Variants in SHROOM4 observed in about 807,000 individuals in gnomAD.
The protein encoded by SHROOM4 is shroom family member 4, also known as protein Shroom4.
Under a neutral mutation model 80.3 loss-of-function variants are expected in SHROOM4, and 17 were observed. The observed-to-expected ratio is 0.21, with a 90% CI of 0.14 to 0.32. The LOEUF (loss-of-function observed/expected upper bound fraction) is 0.32. SHROOM4 is among the 10% of genes least tolerant of loss of function. SHROOM4 has a pLI of 1.00. For synonymous variants in SHROOM4, 400 were observed against 437.5 expected (o/e 0.91, Z 1.07); for missense variants, 993 against 1,140.3 (o/e 0.87, Z 1.86).
At chrX:50,709,058 C>T (rs1202859886) in intron 1 of SHROOM4, among the ~76,000 whole-genome samples, 3 of 110,709 alleles carry the variant, frequency 2.7e-5, no homozygotes, top group Non-Finnish European at 5.7e-5. Flanking sequence ...GGGTGGGGGA[C>T]GGAGGAAAGA....
chrX:50,634,558 T>C lies in SHROOM4; in HGVS notation c.1515A>G (p.Ser505=). ...PPHGEADGHP[S]EKGFLDPNRT... ...TGTTTGGGTCCAGGAAACCTTTTTCTGAGGGGTGTCCATCAGCCTCTCCAT... is the reference window on the plus strand; with the variant it reads ...TGTTTGGGTCCAGGAAACCTTTTTCCGAGGGGTGTCCATCAGCCTCTCCAT... The change falls in exon 4 of 9, where the codon TCA becomes TCG. Residue 505 remains serine (S), a synonymous_variant. Coordinates refer to ENST00000376020, the MANE Select transcript of SHROOM4 (RefSeq NM_020717.5). 8.3e-7 allele frequency: 1 copy of C among 1,211,918 alleles called. No individual in the cohort carries two copies. The highest frequency in any genetic ancestry group is 1.7e-5 in the African/African-American group (1 of 57,819).
intron 5 of SHROOM4, among the ~76,000 whole-genome samples, chrX:50,622,860 T>C (rs1444044037): frequency 1.8e-5 from 2 of 112,493 alleles, no homozygotes; most frequent in Non-Finnish European, 3.7e-5. Flanking sequence ...CTTTCCTTTC[T>C]GTTTTAAACT....
At position 50,611,217 on chromosome X, in the gene SHROOM4, T is replaced by C. The variant is rs1335592006; in HGVS notation, c.2958-3033A>G. On this transcript the variant is annotated intron_variant, in intron 5 of 8. Transcript: ENST00000376020. ...AGGCCGGACTGCAGTGGCGCTTTCT[T>C]AGCTCACTGCAAGCTCCGCCTCCCG... is the stretch of plus-strand genomic sequence containing the variant. Among the ~76,000 whole-genome samples the C allele has an allele frequency of 3.8e-5, 4 of 104,287 alleles. No homozygotes were observed. In the East Asian group the frequency reaches 1.2e-3, roughly 32 times the overall value. 90.6% of individuals were successfully genotyped at this position (104,287 alleles called of 115,157 possible).
chrX:50,610,352 T>TCTCTCACACACACACACACA (rs782591424), intron 5 of SHROOM4, among the ~76,000 whole-genome samples: 14 of 91,707 alleles, frequency 1.5e-4, no homozygotes, highest in African/African-American at 3.7e-4. Flanking sequence ...TCTCTCTCTC[T>TCTCTCACACACACACACACA]CACACACACA....
chrX:50,707,022 A>G (rs1557264024), intron 1 of SHROOM4, among the ~76,000 whole-genome samples: 1 of 112,307 alleles, frequency 8.9e-6, no homozygotes. Context: ...ATTCAAAGTA[A>G]CATCGACTCC....
chrX:50,743,106 AGTGTGTGT>A (rs56291087), intron 1 of SHROOM4, among the ~76,000 whole-genome samples: 10 of 98,232 alleles, frequency 1.0e-4, no homozygotes, highest in South Asian at 1.1e-3. Context: ...CCCATTCAGT[AGTGTGTGT>A]GTGTGTGTGT....
intron 1 of SHROOM4, among the ~76,000 whole-genome samples, chrX:50,738,414 C>A (rs141358543): frequency 1.8e-5 from 2 of 110,270 alleles, no homozygotes; most frequent in African/African-American, 6.6e-5. Flanking sequence ...TGACATGATT[C>A]TATATTTAGA....
At chrX:50,686,025 T>G (rs782235942) in intron 2 of SHROOM4, among the ~76,000 whole-genome samples, 1 of 110,865 alleles carries the variant, frequency 9.0e-6, no homozygotes, top group East Asian at 2.9e-4. Flanking sequence ...AATGAAGTTT[T>G]TTTGTTTGTT....
intron 4 of SHROOM4, among the ~76,000 whole-genome samples, chrX:50,630,772 C>A (rs1931024721): frequency 9.0e-6 from 1 of 111,576 alleles, no homozygotes; most frequent in Admixed American, 9.5e-5. Context: ...ACAACTATAT[C>A]CCCATAAATT....
chrX:50,754,468 T>C (rs1934995427), intron 1 of SHROOM4, among the ~76,000 whole-genome samples: 1 of 111,801 alleles, frequency 8.9e-6, no homozygotes, highest in Non-Finnish European at 1.9e-5. Context: ...CTCCAATCAT[T>C]TATATTCGGA....
chrX:50,808,060 G>C (rs1294428049), intron 1 of SHROOM4, among the ~76,000 whole-genome samples: 1 of 111,463 alleles, frequency 9.0e-6, no homozygotes, highest in Non-Finnish European at 1.9e-5. Context: ...GTGGGAGGAG[G>C]AAACAGGAGG....
intron 2 of SHROOM4, among the ~76,000 whole-genome samples, chrX:50,683,717 A>G (rs1932993638): frequency 9.0e-6 from 1 of 111,499 alleles, no homozygotes; most frequent in Non-Finnish European, 1.9e-5. Flanking sequence ...TTTAACATAT[A>G]GAGTTTTGGA....
intron 4 of SHROOM4, among the ~76,000 whole-genome samples, chrX:50,629,854 A>G (rs1930973335): frequency 9.0e-6 from 1 of 111,107 alleles, no homozygotes. Flanking sequence ...TCAGATAGCT[A>G]CCACCACAAG....
Position 50,725,609 on chromosome X carries a change from G to C in SHROOM4, c.118-29672C>G, listed in dbSNP as rs189893337. On this transcript the variant is annotated intron_variant, in intron 1 of 8. Transcript: ENST00000376020. Reference sequence around the variant, plus strand: ...GAGTGAGTTCTCACAAGAGCTGACAGTTTTAAAGTGGGGCACTTCCGCTCT... The same window carrying C: ...GAGTGAGTTCTCACAAGAGCTGACACTTTTAAAGTGGGGCACTTCCGCTCT... Among the ~76,000 whole-genome samples, 4 of 112,370 alleles carry C rather than the reference G, an allele frequency of 3.6e-5. No homozygotes were observed. The East Asian group carries it at 1.1e-3, about 32-fold the overall frequency.
At chrX:50,720,922 A>C (rs1934094971) in intron 1 of SHROOM4, among the ~76,000 whole-genome samples, 1 of 112,240 alleles carries the variant, frequency 8.9e-6, no homozygotes, top group Admixed American at 9.4e-5. Flanking sequence ...AGGTGATAGA[A>C]TATGAAGCGA....
At chrX:50,663,045 C>T (rs781813229) in intron 2 of SHROOM4, among the ~76,000 whole-genome samples, 15 of 111,163 alleles carry the variant, frequency 1.3e-4, no homozygotes, top group Admixed American at 2.9e-4. Flanking sequence ...AGACCACCTG[C>T]AAATATTTAT....
intron 1 of SHROOM4, among the ~76,000 whole-genome samples, chrX:50,768,031 T>C (rs1163995804): frequency 2.7e-5 from 3 of 112,293 alleles, no homozygotes; most frequent in Non-Finnish European, 3.8e-5. Flanking sequence ...AATAATGTGC[T>C]TGAATCTCAC....
intron 1 of SHROOM4, among the ~76,000 whole-genome samples, chrX:50,720,961 T>C (rs1431969376): frequency 8.9e-6 from 1 of 112,101 alleles, no homozygotes; most frequent in Admixed American, 9.5e-5. Flanking sequence ...TATAAAGGGT[T>C]TCATTTCATA....
In SHROOM4 at chrX:50,628,705, T is replaced by C. The variant is rs146061498; in HGVS notation, c.2896-1030A>G. On this transcript the variant is annotated intron_variant, in intron 4 of 8. Coordinates refer to ENST00000376020, the MANE Select transcript of SHROOM4 (RefSeq NM_020717.5). ...TGGCTAAGACACTTAATAGTGGTGTTATTTGAGGTTATTCATATTACCTCC... is the reference window on the plus strand; with the variant it reads ...TGGCTAAGACACTTAATAGTGGTGTCATTTGAGGTTATTCATATTACCTCC... Among the ~76,000 whole-genome samples, 372 of 111,832 alleles carry C rather than the reference T, an allele frequency of 3.3e-3. 3 individuals are homozygous for C. The highest frequency in any genetic ancestry group is 0.012 in the African/African-American group (370 of 30,763).
Sources: allele counts gnomAD v4.1 joint callset (sites outside exome capture counted in the v4.1 genomes callset), GRCh38; gene constraint gnomAD v4.1.1; transcripts MANE v1.5; gene names NCBI Gene and HGNC (gene_info 2026-07-23, HGNC 2026-07-21).